Variants in CAMK4 observed in about 807,000 individuals in gnomAD.
CAMK4 encodes the protein calcium/calmodulin dependent protein kinase IV, also known as calcium/calmodulin-dependent protein kinase type IV.
A neutral mutation model predicts 44.9 loss-of-function variants in CAMK4; 22 were observed. The ratio of observed to expected loss-of-function variants is 0.49; its 90% CI spans 0.35 to 0.70. The LOEUF is 0.70. Ranked by LOEUF, CAMK4 falls within the 30% of genes least tolerant of loss-of-function variation. The pLI, the probability that CAMK4 is intolerant of heterozygous loss-of-function variation, is 0.01. For missense variants in CAMK4, 498 were observed against 586.8 expected (o/e 0.85, Z 1.56); for synonymous variants, 218 against 215.4 (o/e 1.01, Z -0.11).
chr5:111,342,691 G>T (rs576963946), intron 1 of CAMK4, among the ~76,000 whole-genome samples: 1 of 150,922 alleles, frequency 6.6e-6, no homozygotes, highest in Non-Finnish European at 1.5e-5. Context: ...CTATTATTTT[G>T]TTTTTGCTCC....
At chr5:111,262,468 TTA>T (rs1750031736) in intron 1 of CAMK4, among the ~76,000 whole-genome samples, 1 of 152,088 alleles carries the variant, frequency 6.6e-6, no homozygotes, top group African/African-American at 2.4e-5. Context: ...TGTAGAATAT[TTA>T]TGTCTTAAAG....
chr5:111,390,864 A>G (rs1003667492), intron 4 of CAMK4, among the ~76,000 whole-genome samples: 2 of 152,190 alleles, frequency 1.3e-5, no homozygotes, highest in African/African-American at 2.4e-5. Context: ...GACAACAGGA[A>G]GAGCCATGTG....
chr5:111,267,602 G>C (rs1308972151), intron 1 of CAMK4, among the ~76,000 whole-genome samples: 2 of 151,456 alleles, frequency 1.3e-5, no homozygotes, highest in South Asian at 4.2e-4. Context: ...TACTCGGGAG[G>C]CTGAGGCAGG....
intron 1 of CAMK4, among the ~76,000 whole-genome samples, chr5:111,298,868 A>T (rs1224054571): frequency 6.6e-6 from 1 of 152,224 alleles, no homozygotes; most frequent in African/African-American, 2.4e-5. Flanking sequence ...TATCCCTGAC[A>T]ATTGGCAGAA....
intron 1 of CAMK4, among the ~76,000 whole-genome samples, chr5:111,322,588 T>A (rs1055084140): frequency 1.3e-5 from 2 of 152,002 alleles, no homozygotes; most frequent in Non-Finnish European, 1.5e-5. Flanking sequence ...AAAATATCTA[T>A]CATACAATTT....
chr5:111,288,782 A>C (rs1329650718), intron 1 of CAMK4, among the ~76,000 whole-genome samples: 4 of 152,168 alleles, frequency 2.6e-5, no homozygotes, highest in African/African-American at 7.2e-5. Context: ...AAAGGAGGTA[A>C]AGCTGATAAA....
At chr5:111,427,799 G>C (rs551137409) in intron 5 of CAMK4, among the ~76,000 whole-genome samples, 1 of 152,350 alleles carries the variant, frequency 6.6e-6, no homozygotes, top group East Asian at 1.9e-4. Context: ...ACCCAGCGGG[G>C]GCCTGGGGAC....
At chr5:111,237,992 T>C (rs1470960447) in intron 1 of CAMK4, among the ~76,000 whole-genome samples, 1 of 152,228 alleles carries the variant, frequency 6.6e-6, no homozygotes, top group African/African-American at 2.4e-5. Context: ...GTCAAAGTAA[T>C]TATTCTGGAA....
intron 5 of CAMK4, among the ~76,000 whole-genome samples, chr5:111,409,870 C>T (rs1185581253): frequency 2.0e-5 from 3 of 152,198 alleles, no homozygotes; most frequent in Non-Finnish European, 1.5e-5. Flanking sequence ...GAGTCCACCT[C>T]AGCCTGGACT....
At chr5:111,266,100 A>G (rs994898127) in intron 1 of CAMK4, 9 of 152,248 alleles carry the variant, frequency 5.9e-5, no homozygotes, top group African/African-American at 2.2e-4. Context: ...CAGGAAGATC[A>G]ATCAATTAGC....
chr5:111,489,714 T>C lies in CAMK4; in HGVS notation c.*5248T>C, dbSNP rs1030150431. On this transcript the variant is annotated 3_prime_UTR_variant, in exon 11 of 11. Coordinates refer to ENST00000282356, the MANE Select transcript of CAMK4 (RefSeq NM_001744.6). ...CCTGGTTGAGCTCAAATGAGGCAAG[T>C]GGGAGAAAACCTCTTCTCATCCTCT... 7.9e-5 allele frequency: 12 copies of C among 152,214 alleles called. No homozygotes were observed. Among genetic ancestry groups the C allele is most frequent in the African/African-American group, 2.7e-4 (11 of 41,460 alleles). The allele number at this position is 152,214 out of a possible 1,614,324, so 9.4% of individuals were successfully genotyped here.
At chr5:111,333,098 GTA>G (rs1749241695) in intron 1 of CAMK4, among the ~76,000 whole-genome samples, 1 of 151,520 alleles carries the variant, frequency 6.6e-6, no homozygotes, top group African/African-American at 2.4e-5. Flanking sequence ...AAAAACAATG[GTA>G]TATATTGCTT....
chr5:111,308,263 T>A (rs1041043372), intron 1 of CAMK4, among the ~76,000 whole-genome samples: 50 of 150,028 alleles, frequency 3.3e-4, no homozygotes, highest in South Asian at 1.0e-3. Context: ...AAAAATAAAA[T>A]AAAATAAATG....
intron 5 of CAMK4, among the ~76,000 whole-genome samples, chr5:111,395,782 T>C (rs1215978135): frequency 6.6e-6 from 1 of 151,224 alleles, no homozygotes; most frequent in East Asian, 1.9e-4. Context: ...TTGTCTAATA[T>C]GTGCTGGAAC....
intron 5 of CAMK4, among the ~76,000 whole-genome samples, chr5:111,437,987 C>A (rs1383399511): frequency 2.0e-5 from 3 of 152,152 alleles, no homozygotes; most frequent in Non-Finnish European, 4.4e-5. Context: ...TATGGCCATC[C>A]AGCTGGAGTA....
chr5:111,425,330 G>A (rs1172086940), intron 5 of CAMK4, among the ~76,000 whole-genome samples: 1 of 152,206 alleles, frequency 6.6e-6, no homozygotes, highest in Non-Finnish European at 1.5e-5. Flanking sequence ...AAAATATAGT[G>A]CAGCCCCCAT....
rs1561517575 is a variant in CAMK4, at chr5:111,485,568, ATAAAC to A, written c.*1107_*1111del. ...TGATGGTTATCTACACATATCACTT[ATAAAC>A]TAAAGTTATTTATGAAAAGCTAGTA... On this transcript the variant is annotated 3_prime_UTR_variant, in exon 11 of 11. Coordinates refer to ENST00000282356, the MANE Select transcript of CAMK4 (RefSeq NM_001744.6). 6.6e-6 allele frequency: 1 copy of A among 152,164 alleles called. No homozygotes were observed. The highest frequency in any genetic ancestry group is 2.4e-5 in the African/African-American group (1 of 41,452). The allele number at this position is 152,164 out of a possible 1,614,324, so 9.4% of individuals were successfully genotyped here. A position where few individuals can be genotyped will look rare whatever the true frequency, so the allele number is the denominator to read the frequency against.
chr5:111,399,521 A>G (rs901685322), intron 5 of CAMK4, among the ~76,000 whole-genome samples: 1 of 152,192 alleles, frequency 6.6e-6, no homozygotes, highest in Non-Finnish European at 1.5e-5. Flanking sequence ...TCACCTTTAT[A>G]TTCCCAGCGT....
chr5:111,255,098 C>T (rs1367598712), intron 1 of CAMK4, among the ~76,000 whole-genome samples: 1 of 151,858 alleles, frequency 6.6e-6, no homozygotes, highest in African/African-American at 2.4e-5. Context: ...GGTGTTTAAA[C>T]TGGGCTGTGT....
Sources: allele counts gnomAD v4.1 joint callset (sites outside exome capture counted in the v4.1 genomes callset), GRCh38; gene constraint gnomAD v4.1.1; transcripts MANE v1.5; gene names NCBI Gene and HGNC (gene_info 2026-07-23, HGNC 2026-07-21).